Variants in MGAT4C observed in about 807,000 individuals in gnomAD.
MGAT4C encodes the protein alpha-1,3-mannosyl-glycoprotein 4-beta-N-acetylglucosaminyltransferase C.
A neutral mutation model predicts 40.1 loss-of-function variants in MGAT4C; 19 were observed. That is an observed-to-expected ratio of 0.47 (90% CI 0.33 to 0.70). The LOEUF (loss-of-function observed/expected upper bound fraction) is 0.70. MGAT4C is among the 30% of genes least tolerant of loss of function. The pLI, the probability that MGAT4C is intolerant of heterozygous loss-of-function variation, is 0.02. For missense variants in MGAT4C, 491 were observed against 563.2 expected, an observed-to-expected ratio of 0.87 and a Z score of 1.30; for synonymous variants, 181 against 187.1, an observed-to-expected ratio of 0.97 and a Z score of 0.27.
chr12:86,752,104 C>T (rs1476814971), intron 1 of MGAT4C, among the ~76,000 whole-genome samples: 1 of 151,876 alleles, frequency 6.6e-6, no homozygotes, highest in Non-Finnish European at 1.5e-5. Context: ...AATTGTAATG[C>T]TCGCCAAGTA....
At position 86,388,675 on chromosome 12, in the gene MGAT4C, GTT is replaced by G. The variant is rs752469980; in HGVS notation, c.-120+46480_-120+46481del. 6.0e-4 allele frequency among the ~76,000 whole-genome samples: 59 copies of G among 98,714 alleles called. 1 individual carries two copies. Among genetic ancestry groups the G allele is most frequent in the African/African-American group, 2.6e-3 (53 of 20,762 alleles). 64.8% of individuals were successfully genotyped at this position (98,714 alleles called of 152,430 possible). On this transcript the variant is annotated intron_variant, in intron 3 of 7. Transcript: ENST00000548651. ...ATCAATAAACACTTCAGCGTTTTTT[GTT>G]TTTTTTTTTTTTTTTTTTTTTTAGA...
At chr12:86,410,124 T>G (rs1421152495) in intron 3 of MGAT4C, among the ~76,000 whole-genome samples, 5 of 152,144 alleles carry the variant, frequency 3.3e-5, no homozygotes, top group Non-Finnish European at 5.9e-5. Context: ...TTAGAATTAC[T>G]GATGAGGGAC....
chr12:86,490,984 G>A (rs1958121090), intron 2 of MGAT4C, among the ~76,000 whole-genome samples: 1 of 152,098 alleles, frequency 6.6e-6, no homozygotes, highest in Admixed American at 6.6e-5. Flanking sequence ...ACACCCCACT[G>A]TCAACATTAG....
intron 2 of MGAT4C, among the ~76,000 whole-genome samples, chr12:86,630,481 A>C (rs1218891692): frequency 6.6e-6 from 1 of 152,240 alleles, no homozygotes; most frequent in Non-Finnish European, 1.5e-5. Flanking sequence ...ATTCCTGATG[A>C]ACATCGATGC....
At chr12:86,317,582 G>A (rs932672069) in intron 4 of MGAT4C, among the ~76,000 whole-genome samples, 1 of 152,010 alleles carries the variant, frequency 6.6e-6, no homozygotes, top group Non-Finnish European at 1.5e-5. Context: ...ATGTGTGACT[G>A]GGATGGTAGT....
intron 2 of MGAT4C, among the ~76,000 whole-genome samples, chr12:86,707,277 G>C (rs527928909): frequency 1.3e-5 from 2 of 152,162 alleles, no homozygotes; most frequent in Non-Finnish European, 2.9e-5. Flanking sequence ...AGGAAAATGT[G>C]GGAAAGTTTG....
intron 2 of MGAT4C, among the ~76,000 whole-genome samples, chr12:86,457,847 C>G (rs529654850): frequency 6.6e-6 from 1 of 151,900 alleles, no homozygotes; most frequent in Non-Finnish European, 1.5e-5. Context: ...AATAAAATCA[C>G]AAGTTTTTTT....
intron 2 of MGAT4C, among the ~76,000 whole-genome samples, chr12:86,481,645 G>A (rs886615866): frequency 1.1e-4 from 16 of 151,536 alleles, no homozygotes; most frequent in Non-Finnish European, 1.6e-4. Context: ...ATGCAGACAC[G>A]CACACACACA....
intron 3 of MGAT4C, among the ~76,000 whole-genome samples, chr12:86,416,156 T>G (rs886880611): frequency 1.2e-4 from 18 of 151,994 alleles, no homozygotes; most frequent in African/African-American, 4.3e-4. Flanking sequence ...GTTAACTAAG[T>G]CAAGATAGCT....
At chr12:86,664,337 G>C (rs1593092849) in intron 2 of MGAT4C, among the ~76,000 whole-genome samples, 1 of 149,230 alleles carries the variant, frequency 6.7e-6, no homozygotes, top group African/African-American at 2.5e-5. Context: ...GATTCCTTCT[G>C]TCTCTTTTCA....
chr12:86,154,987 T>C (rs1307964111), intron 1 of MGAT4C, among the ~76,000 whole-genome samples: 3 of 152,124 alleles, frequency 2.0e-5, no homozygotes, highest in Admixed American at 6.6e-5. Context: ...TAAAGTGGGA[T>C]GGCATGATAG....
chr12:86,484,733 G>A (rs1365114648), intron 2 of MGAT4C, among the ~76,000 whole-genome samples: 4 of 152,100 alleles, frequency 2.6e-5, no homozygotes, highest in East Asian at 1.9e-4. Context: ...CAGTCAGCCC[G>A]ACAGCCTTTC....
At chr12:86,138,503 C>CAT (rs1882327752) in intron 1 of MGAT4C, among the ~76,000 whole-genome samples, 1 of 146,454 alleles carries the variant, frequency 6.8e-6, no homozygotes, top group Non-Finnish European at 1.5e-5. Flanking sequence ...ATATATATAT[C>CAT]ATGTATATAT....
rs574614581 is a variant in MGAT4C at position 86,637,372 on chromosome 12, A to G, written c.-229+89837T>C. Among the ~76,000 whole-genome samples the G allele has an allele frequency of 3.3e-5, 5 of 152,090 alleles. No individual in the cohort carries two copies. The South Asian group carries it at 1.0e-3, about 32-fold the overall frequency. The stretch of plus-strand genomic sequence containing the variant: ...GCTTGGTATTCTAGGATTTCAGACT[A>G]CACAATTCTGATTCCATTTCAATTA... On this transcript the variant is annotated intron_variant, in intron 2 of 7. Transcript: ENST00000548651.
intron 2 of MGAT4C, among the ~76,000 whole-genome samples, chr12:86,700,351 T>C (rs1950341442): frequency 1.3e-5 from 2 of 152,104 alleles, no homozygotes; most frequent in South Asian, 2.1e-4. Context: ...TGTGTGTGTG[T>C]GTAAGCTCAG....
intron 3 of MGAT4C, among the ~76,000 whole-genome samples, chr12:86,390,711 G>A (rs1050250282): frequency 3.3e-5 from 5 of 151,858 alleles, no homozygotes; most frequent in South Asian, 4.1e-4. Context: ...ACCAGTAGTC[G>A]CAACCTTTTC....
intron 1 of MGAT4C, among the ~76,000 whole-genome samples, chr12:86,211,819 TTC>T (rs1412211908): frequency 6.6e-6 from 1 of 152,096 alleles, no homozygotes; most frequent in Non-Finnish European, 1.5e-5. Context: ...CATGACTTTG[TTC>T]TCTCTTTGCA....
At chr12:86,569,089 AAT>A (rs145398656) in intron 2 of MGAT4C, among the ~76,000 whole-genome samples, 8 of 151,198 alleles carry the variant, frequency 5.3e-5, no homozygotes, top group Admixed American at 6.6e-5. Flanking sequence ...GAATTAGAAG[AAT>A]ATATATATAT....
chr12:86,156,573 G>T (rs1486501169), intron 1 of MGAT4C, among the ~76,000 whole-genome samples: 3 of 152,130 alleles, frequency 2.0e-5, no homozygotes, highest in Non-Finnish European at 2.9e-5. Context: ...TGCCCACCTT[G>T]GCCTCCCAAA....
Sources: allele counts gnomAD v4.1 joint callset (sites outside exome capture counted in the v4.1 genomes callset), GRCh38; gene constraint gnomAD v4.1.1; transcripts MANE v1.5; gene names NCBI Gene and HGNC (gene_info 2026-07-23, HGNC 2026-07-21).